The following KANSL1 variants were observed in gnomAD, a reference collection of about 807,000 sequenced individuals.
The protein encoded by KANSL1 is KAT8 regulatory NSL complex subunit 1.
Under a neutral mutation model 103.6 loss-of-function variants are expected in KANSL1, and 22 were observed. The observed-to-expected ratio is 0.21, with a 90% CI of 0.15 to 0.30. KANSL1 has a LOEUF of 0.30. Ranked by LOEUF, KANSL1 falls within the 10% of genes least tolerant of loss-of-function variation. The pLI, the probability that KANSL1 is intolerant of heterozygous loss-of-function variation, is 1.00. For synonymous variants in KANSL1, 600 were observed against 527.6 expected (o/e 1.14, Z -1.88); for missense variants, 1,337 against 1,399.8 (o/e 0.96, Z 0.72).
chr17:46,101,436 A>T (rs2042308617), intron 2 of KANSL1, among the ~76,000 whole-genome samples: 1 of 152,150 alleles, frequency 6.6e-6, no homozygotes, highest in African/African-American at 2.4e-5. Context: ...TGCAACCTAA[A>T]ATGTATGTAT....
chr17:46,106,201 TTAGC>T (rs763744457), intron 2 of KANSL1, among the ~76,000 whole-genome samples: 1 of 152,202 alleles, frequency 6.6e-6, no homozygotes, highest in African/African-American at 2.4e-5. Flanking sequence ...GCCCCACCAC[TTAGC>T]TAGCTATTAT....
chr17:46,095,507 G>C (rs1264525135), intron 2 of KANSL1, among the ~76,000 whole-genome samples: 3 of 152,100 alleles, frequency 2.0e-5, no homozygotes, highest in South Asian at 2.1e-4. Flanking sequence ...GTGCAGAAAC[G>C]ATCAAACTAC....
chr17:46,036,953 C>G (rs2077168988), intron 10 of KANSL1, among the ~76,000 whole-genome samples: 1 of 152,120 alleles, frequency 6.6e-6, no homozygotes, highest in Non-Finnish European at 1.5e-5. Flanking sequence ...CTCAAGTGAT[C>G]CACCCGCCTC....
intron 3 of KANSL1, among the ~76,000 whole-genome samples, chr17:46,089,168 A>G (rs1019847801): frequency 6.6e-6 from 1 of 152,216 alleles, no homozygotes; most frequent in African/African-American, 2.4e-5. Flanking sequence ...TAAAGCATGG[A>G]AGAGTTTCTT....
chr17:46,064,839 C>G (rs1352104526), intron 6 of KANSL1, among the ~76,000 whole-genome samples: 1 of 151,820 alleles, frequency 6.6e-6, no homozygotes, highest in African/African-American at 2.4e-5. Context: ...TCTATTCCCT[C>G]CTCTATTGCA....
rs137957549 is a variant in KANSL1, at chr17:46,078,956, G to A, written c.1533+3485C>T. ...TCGGCAGCTACCAAGCTAGAGGCCC[G>A]TTAAGTTTTCTCTCCCTCAGCTAGC... On this transcript the variant is annotated intron_variant, in intron 4 of 14. Transcript: ENST00000432791. 9.7e-4 allele frequency among the ~76,000 whole-genome samples: 147 copies of A among 152,278 alleles called. 4 individuals carry two copies. The South Asian group carries it at 0.03, about 31-fold the overall frequency.
intron 1 of KANSL1, among the ~76,000 whole-genome samples, chr17:46,172,892 C>T (rs1171981259): frequency 1.3e-5 from 2 of 152,216 alleles, no homozygotes; most frequent in Non-Finnish European, 2.9e-5. Context: ...CTTCTGCCCT[C>T]AGTACAGCCT....
intron 1 of KANSL1, among the ~76,000 whole-genome samples, chr17:46,206,085 A>C (rs1410058365): frequency 2.1e-4 from 24 of 113,022 alleles, no homozygotes; most frequent in Non-Finnish European, 3.9e-4. Context: ...GTGTCCCCCA[A>C]AAAAAAAAAA....
chr17:46,173,471 G>A (rs2046380273), intron 1 of KANSL1, among the ~76,000 whole-genome samples: 1 of 152,166 alleles, frequency 6.6e-6, no homozygotes, highest in Non-Finnish European at 1.5e-5. Context: ...GATCTATGTG[G>A]TCTGGGAGCC....
intron 7 of KANSL1, among the ~76,000 whole-genome samples, chr17:46,048,037 A>T (rs960797120): frequency 1.8e-4 from 28 of 151,644 alleles, no homozygotes; most frequent in African/African-American, 5.3e-4. Context: ...CCTGCTGAGT[A>T]GCTGGGACGA....
chr17:46,118,907 C>T (rs1359779895), intron 2 of KANSL1, among the ~76,000 whole-genome samples: 1 of 152,134 alleles, frequency 6.6e-6, no homozygotes, highest in Non-Finnish European at 1.5e-5. Flanking sequence ...TCTCATGGGC[C>T]TTATCCATTT....
chr17:46,194,492 C>G (rs1026147053), upstream of KANSL1, among the ~76,000 whole-genome samples: 4 of 152,206 alleles, frequency 2.6e-5, no homozygotes, highest in African/African-American at 9.7e-5. Context: ...AATAATGGAA[C>G]CTTTCCTAGA....
In KANSL1 at chr17:46,084,642, A is replaced by G. The variant is rs564695628; in HGVS notation, c.1432-2100T>C. Among the ~76,000 whole-genome samples, 224 of 147,200 alleles carry G rather than the reference A, an allele frequency of 1.5e-3. 2 individuals are homozygous for G. The highest frequency in any genetic ancestry group is 5.3e-3 in the African/African-American group (210 of 39,752). On this transcript the variant is annotated intron_variant, in intron 3 of 14. Transcript: ENST00000432791. Reference sequence around the variant, plus strand: ...GGTTGCAGTGAGCCAAGACTGTGCCATTGCACTCCAGTCTGGGCAACGAGA... The same window carrying G: ...GGTTGCAGTGAGCCAAGACTGTGCCGTTGCACTCCAGTCTGGGCAACGAGA...
chr17:46,085,873 C>T (rs188530939), intron 3 of KANSL1, among the ~76,000 whole-genome samples: 30 of 152,258 alleles, frequency 2.0e-4, no homozygotes, highest in African/African-American at 6.5e-4. Flanking sequence ...AGCAATCCAC[C>T]TGCCTCGGCC....
chr17:46,041,064 G>A (rs1452705251), intron 7 of KANSL1: 8 of 152,124 alleles, frequency 5.3e-5, no homozygotes, highest in African/African-American at 1.7e-4. Context: ...AGTCTCAGAT[G>A]GAAATGATTA....
At chr17:46,185,464 T>C (rs1023927818) in intron 1 of KANSL1, among the ~76,000 whole-genome samples, 1 of 152,170 alleles carries the variant, frequency 6.6e-6, no homozygotes, top group South Asian at 2.1e-4. Context: ...ATAAAGGTAA[T>C]AGCCATCAAA....
intron 3 of KANSL1, 115 bp from the exon 4 acceptor site, chr17:46,082,657 C>T: frequency 1.9e-6 from 1 of 535,386 alleles, no homozygotes. Flanking sequence ...TCTTCCTCAC[C>T]CTATGGTTCA....
intron 6 of KANSL1, among the ~76,000 whole-genome samples, chr17:46,053,105 T>A (rs1272495186): frequency 1.3e-5 from 2 of 148,338 alleles, no homozygotes; most frequent in Non-Finnish European, 3.0e-5. Context: ...CTGGCCAACA[T>A]GGTGAAACCC....
chr17:46,032,625 C>A, intron 13 of KANSL1: 1 of 355,552 alleles, frequency 2.8e-6, no homozygotes, highest in Non-Finnish European at 5.0e-6. Context: ...GCTCCCAAAA[C>A]TTTCTACTTG....
Sources: allele counts gnomAD v4.1 joint callset (sites outside exome capture counted in the v4.1 genomes callset), GRCh38; gene constraint gnomAD v4.1.1; transcripts MANE v1.5; gene names NCBI Gene and HGNC (gene_info 2026-07-23, HGNC 2026-07-21).